The following CSMD1 variants were observed in gnomAD, a reference collection of about 807,000 sequenced individuals.
CSMD1 encodes CUB and Sushi multiple domains 1, also known as CUB and sushi domain-containing protein 1.
In CSMD1, 213 loss-of-function variants were observed where a neutral mutation model predicts 417.5. That is an observed-to-expected ratio of 0.51 (90% CI 0.46 to 0.57). CSMD1 has a LOEUF of 0.57. CSMD1 is among the 20% of genes least tolerant of loss of function. The probability of loss-of-function intolerance (pLI) is 0.00; values close to 1 mark genes in which losing one functional copy is unlikely to be tolerated. For missense variants in CSMD1, 6,923 were observed against 4,529.7 expected (o/e 1.53, Z -15.17); for synonymous variants, 2,862 against 1,736.8 (o/e 1.65, Z -16.11).
At chr8:2,963,478 A>C in intron 59 of CSMD1, 83 bp from the exon 60 acceptor site, 5 of 1,400,744 alleles carry the variant, frequency 3.6e-6, no homozygotes, top group Non-Finnish European at 5.0e-6. Context: ...TTTTAATTTT[A>C]CCTGAATTAC....
At chr8:2,988,434 C>T (rs1806113043) in intron 54 of CSMD1, among the ~76,000 whole-genome samples, 1 of 152,140 alleles carries the variant, frequency 6.6e-6, no homozygotes, top group African/African-American at 2.4e-5. Context: ...GTGAATCATC[C>T]TGAAACGATG....
intron 3 of CSMD1, among the ~76,000 whole-genome samples, chr8:4,331,841 T>C (rs895392558): frequency 1.2e-4 from 19 of 152,104 alleles, no homozygotes; most frequent in East Asian, 5.8e-4. Context: ...TGTTTCCTCA[T>C]AGCACAATCC....
At chr8:3,860,911 T>C (rs1302152409) in intron 5 of CSMD1, among the ~76,000 whole-genome samples, 4 of 152,340 alleles carry the variant, frequency 2.6e-5, no homozygotes, top group East Asian at 3.9e-4. Flanking sequence ...CTAGTCTCTA[T>C]ACTATAGAAT....
In CSMD1 at chr8:3,425,298, G is replaced by T. The variant is rs372074263; in HGVS notation, c.1562-15693C>A. Among the ~76,000 whole-genome samples, 122 of 152,230 alleles carry T rather than the reference G, an allele frequency of 8.0e-4. No homozygotes were observed. In the South Asian group the frequency reaches 0.015, roughly 19 times the overall value. ...AGGGAAACTCCTGTATGTTGAAAAT[G>T]CCCTGTCCCAGCTGGGCAAGGTGGC... On this transcript the variant is annotated intron_variant, in intron 12 of 69. Transcript: ENST00000635120.
chr8:3,144,285 T>G (rs558053698), intron 40 of CSMD1, among the ~76,000 whole-genome samples: 1 of 151,950 alleles, frequency 6.6e-6, no homozygotes, highest in Admixed American at 6.6e-5. Flanking sequence ...GGTATGCCAA[T>G]AGACTAGACA....
chr8:3,598,238 G>C (rs1170658057), intron 8 of CSMD1: 2 of 152,220 alleles, frequency 1.3e-5, no homozygotes, highest in Non-Finnish European at 2.9e-5. Context: ...ATACTGTGCT[G>C]TGTAGATGCA....
At chr8:4,291,369 C>A (rs1037452447) in intron 3 of CSMD1, among the ~76,000 whole-genome samples, 2 of 151,966 alleles carry the variant, frequency 1.3e-5, no homozygotes, top group Non-Finnish European at 1.5e-5. Flanking sequence ...AAACAAAATA[C>A]AAATTTATAC....
At chr8:3,133,841 T>C (rs1321549336) in intron 41 of CSMD1, among the ~76,000 whole-genome samples, 1 of 152,218 alleles carries the variant, frequency 6.6e-6, no homozygotes, top group Non-Finnish European at 1.5e-5. Flanking sequence ...AAGGGTGGCA[T>C]GGCCTTAAAG....
At chr8:4,471,747 A>AT (rs1800547704) in intron 2 of CSMD1, among the ~76,000 whole-genome samples, 1 of 147,320 alleles carries the variant, frequency 6.8e-6, no homozygotes, top group Non-Finnish European at 1.5e-5. Context: ...AAAAGAAGTT[A>AT]GACCCATTTC....
intron 1 of CSMD1, among the ~76,000 whole-genome samples, chr8:4,723,243 C>A (rs4875374): frequency 1.3e-5 from 2 of 151,884 alleles, no homozygotes; most frequent in Non-Finnish European, 1.5e-5. Flanking sequence ...ACATTTCAGG[C>A]AATTTTCTTG....
At chr8:4,171,657 A>G (rs1405963407) in intron 3 of CSMD1, among the ~76,000 whole-genome samples, 1 of 149,734 alleles carries the variant, frequency 6.7e-6, no homozygotes, top group Non-Finnish European at 1.5e-5. Flanking sequence ...TTTTTTCCCA[A>G]TGCAGATAAA....
At chr8:4,874,149 T>G (rs972351473) in intron 1 of CSMD1, among the ~76,000 whole-genome samples, 24 of 152,038 alleles carry the variant, frequency 1.6e-4, no homozygotes, top group Admixed American at 7.2e-4. Context: ...TTTATCTTTT[T>G]CAAAATAGCT....
At chr8:4,880,596 C>T (rs573486454) in intron 1 of CSMD1, among the ~76,000 whole-genome samples, 6 of 152,174 alleles carry the variant, frequency 3.9e-5, no homozygotes, top group Non-Finnish European at 5.9e-5. Context: ...TTCTCAAAGC[C>T]CACATTGCCT....
intron 10 of CSMD1, among the ~76,000 whole-genome samples, chr8:3,538,984 G>A (rs888859809): frequency 4.6e-5 from 7 of 152,176 alleles, no homozygotes; most frequent in East Asian, 1.9e-4. Context: ...AAATCCTGCA[G>A]CAGCATCTCA....
At chr8:3,773,680 C>T (rs990116806) in intron 5 of CSMD1, among the ~76,000 whole-genome samples, 2 of 152,152 alleles carry the variant, frequency 1.3e-5, no homozygotes, top group African/African-American at 4.8e-5. Context: ...TGCTGACTTA[C>T]AGCAACAGCA....
intron 5 of CSMD1, among the ~76,000 whole-genome samples, chr8:3,966,314 G>T (rs1036892684): frequency 3.9e-5 from 6 of 152,076 alleles, no homozygotes; most frequent in African/African-American, 1.4e-4. Context: ...GGAGAAGAGG[G>T]AAAGAAATAG....
At chr8:4,030,361 G>C (rs1052828078) in intron 4 of CSMD1, among the ~76,000 whole-genome samples, 1 of 152,150 alleles carries the variant, frequency 6.6e-6, no homozygotes, top group Non-Finnish European at 1.5e-5. Context: ...CTAGGCAAAG[G>C]TTCCCAAACC....
intron 5 of CSMD1, among the ~76,000 whole-genome samples, chr8:3,917,447 G>A (rs548117598): frequency 6.6e-6 from 1 of 151,758 alleles, no homozygotes; most frequent in Admixed American, 6.6e-5. Context: ...ACACGCTCAT[G>A]CGCGCACAAA....
chr8:4,466,946 A>T (rs1325985891), intron 2 of CSMD1, among the ~76,000 whole-genome samples: 1 of 151,988 alleles, frequency 6.6e-6, no homozygotes, highest in African/African-American at 2.4e-5. Context: ...TTTCCTGTGA[A>T]CATTTCTTCC....
Sources: gnomAD v4.1 joint callset for allele counts (sites outside exome capture counted in the v4.1 genomes callset) on GRCh38, gnomAD v4.1.1 for gene constraint, MANE v1.5 for transcripts, NCBI Gene and HGNC (gene_info 2026-07-23, HGNC 2026-07-21) for gene names.